Variants in DYM observed in about 807,000 individuals in gnomAD.
The protein encoded by DYM is dymeclin.
In DYM, 78 loss-of-function variants were observed where a neutral mutation model predicts 93.1. That is an observed-to-expected ratio of 0.84 (90% CI 0.70 to 1.01). DYM has a LOEUF of 1.01. DYM is among the 50% of genes least tolerant of loss of function. The probability of loss-of-function intolerance (pLI) is 0.00; values close to 1 mark genes in which losing one functional copy is unlikely to be tolerated. For missense variants in DYM, 789 were observed against 845.0 expected (o/e 0.93, Z 0.82); for synonymous variants, 321 against 319.7 (o/e 1.00, Z -0.04).
chr18:49,166,450 A>C (rs2087886292), intron 14 of DYM, among the ~76,000 whole-genome samples: 1 of 152,156 alleles, frequency 6.6e-6, no homozygotes. Context: ...TGAAATGAAC[A>C]CCCTTGTAAA....
intron 14 of DYM, among the ~76,000 whole-genome samples, chr18:49,180,654 A>C (rs546509313): frequency 6.6e-6 from 1 of 152,286 alleles, no homozygotes; most frequent in Admixed American, 6.5e-5. Context: ...TGAAAGATAA[A>C]ATAACCTCAT....
intron 16 of DYM, among the ~76,000 whole-genome samples, chr18:49,098,675 T>C (rs2079809210): frequency 6.6e-6 from 1 of 152,210 alleles, no homozygotes. Flanking sequence ...AGCTGCTTAT[T>C]TTGTCCACAA....
chr18:49,307,784 T>C (rs2061355500), intron 8 of DYM, among the ~76,000 whole-genome samples: 2 of 152,200 alleles, frequency 1.3e-5, no homozygotes, highest in Non-Finnish European at 2.9e-5. Flanking sequence ...TACCCTAACA[T>C]CCTTCCTTTG....
At chr18:49,073,860 G>A (rs1421806110) in intron 17 of DYM, among the ~76,000 whole-genome samples, 1 of 152,018 alleles carries the variant, frequency 6.6e-6, no homozygotes, top group Non-Finnish European at 1.5e-5. Context: ...TGGATTCTTG[G>A]TGACACTGAG....
At chr18:49,072,381 C>T (rs2076962212) in intron 17 of DYM, among the ~76,000 whole-genome samples, 1 of 151,898 alleles carries the variant, frequency 6.6e-6, no homozygotes, top group African/African-American at 2.4e-5. Flanking sequence ...AAAATGCCAA[C>T]ATAAAAAAAA....
intron 15 of DYM, among the ~76,000 whole-genome samples, chr18:49,130,707 G>A (rs2083302309): frequency 6.6e-6 from 1 of 152,058 alleles, no homozygotes; most frequent in African/African-American, 2.4e-5. Context: ...ATTATACAAT[G>A]GACTGTATGA....
At chr18:49,091,679 G>C (rs1175045526) in intron 17 of DYM, among the ~76,000 whole-genome samples, 1 of 152,106 alleles carries the variant, frequency 6.6e-6, no homozygotes, top group Non-Finnish European at 1.5e-5. Context: ...AAGTTCCTAG[G>C]GGATGCTGAT....
At chr18:49,274,163 A>C (rs775914067) in intron 10 of DYM, among the ~76,000 whole-genome samples, 2 of 151,930 alleles carry the variant, frequency 1.3e-5, no homozygotes, top group Non-Finnish European at 1.5e-5. Context: ...CACCTCCCCC[A>C]GACCCCTATC....
intron 13 of DYM, among the ~76,000 whole-genome samples, chr18:49,250,522 G>A (rs914748104): frequency 2.0e-5 from 3 of 152,194 alleles, no homozygotes; most frequent in Non-Finnish European, 2.9e-5. Context: ...GGGCTGCTAC[G>A]AAGAGATGAA....
intron 2 of DYM, among the ~76,000 whole-genome samples, chr18:49,397,856 G>A (rs888899469): frequency 2.6e-5 from 4 of 152,120 alleles, no homozygotes; most frequent in Non-Finnish European, 5.9e-5. Flanking sequence ...CTGGGAAACT[G>A]GGGTTAAATA....
chr18:49,377,432 CACCTGTAG>C (rs766929340), intron 5 of DYM, among the ~76,000 whole-genome samples: 23 of 152,042 alleles, frequency 1.5e-4, no homozygotes, highest in Middle Eastern at 3.2e-3. Context: ...TGGTGGAATG[CACCTGTAG>C]TCCCAGCTAC....
chr18:49,115,467 T>C (rs1421171119), intron 16 of DYM, among the ~76,000 whole-genome samples: 1 of 152,224 alleles, frequency 6.6e-6, no homozygotes, highest in Non-Finnish European at 1.5e-5. Flanking sequence ...GGTGACTATC[T>C]TTAAACATTT....
At chr18:49,166,863 T>A (rs1326225176) in intron 14 of DYM, among the ~76,000 whole-genome samples, 1 of 151,742 alleles carries the variant, frequency 6.6e-6, no homozygotes. Flanking sequence ...GTGAGCTTCT[T>A]GGTGTTAGGA....
At chr18:49,151,468 A>G (rs2085807867) in intron 15 of DYM, among the ~76,000 whole-genome samples, 1 of 152,230 alleles carries the variant, frequency 6.6e-6, no homozygotes, top group African/African-American at 2.4e-5. Context: ...TGGCATTTAT[A>G]AAACATTTGT....
rs373128484 is a variant in DYM at position 49,402,220 on chromosome 18, A to G, written c.141-10575T>C. Among the ~76,000 whole-genome samples the G allele has an allele frequency of 4.5e-4, 68 of 152,270 alleles. 1 individual carries two copies. The South Asian group carries it at 0.013, about 30-fold the overall frequency. ...AGTGTAGGTTGCAGAGAAGACTGGTAAGGTAAATCAGAGCAAAAGAATGGA... is the reference window on the plus strand; with the variant it reads ...AGTGTAGGTTGCAGAGAAGACTGGTGAGGTAAATCAGAGCAAAAGAATGGA... On this transcript the variant is annotated intron_variant, in intron 2 of 17. Transcript: ENST00000675505.
At chr18:49,213,048 T>C (rs927155005) in intron 13 of DYM, among the ~76,000 whole-genome samples, 14 of 152,304 alleles carry the variant, frequency 9.2e-5, no homozygotes, top group African/African-American at 3.4e-4. Context: ...TAGTGCCTTC[T>C]TACAAGAAAA....
At chr18:49,093,953 C>A (rs747826419) in intron 17 of DYM, among the ~76,000 whole-genome samples, 30 of 152,156 alleles carry the variant, frequency 2.0e-4, no homozygotes, top group Non-Finnish European at 3.2e-4. Flanking sequence ...CTTTAAAAAT[C>A]ATTTAGTGTG....
chr18:49,283,299 T>G (rs1291848394), intron 9 of DYM, among the ~76,000 whole-genome samples: 2 of 152,166 alleles, frequency 1.3e-5, no homozygotes, highest in Admixed American at 6.5e-5. Flanking sequence ...TATTCAACAT[T>G]AGGTTCTATA....
intron 1 of DYM, among the ~76,000 whole-genome samples, chr18:49,432,329 C>CAAAAAAAAAAAAAAAAAAA (rs11429840): frequency 6.6e-5 from 5 of 75,806 alleles, no homozygotes; most frequent in Non-Finnish European, 1.4e-4. Context: ...AAGACTGTCT[C>CAAAAAAAAAAAAAAAAAAA]AAAAAAAAAA....
Sources: gnomAD v4.1 joint callset for allele counts (sites outside exome capture counted in the v4.1 genomes callset) on GRCh38, gnomAD v4.1.1 for gene constraint, MANE v1.5 for transcripts, NCBI Gene and HGNC (gene_info 2026-07-23, HGNC 2026-07-21) for gene names.